TMEM132D: variants seen among roughly 807,000 people sequenced by gnomAD.
TMEM132D encodes the protein mature OL transmembrane protein.
A neutral mutation model predicts 62.3 loss-of-function variants in TMEM132D; 21 were observed. The observed-to-expected ratio is 0.34, with a 90% confidence interval of 0.24 to 0.49. The LOEUF (loss-of-function observed/expected upper bound fraction) is 0.49, where lower values mean the gene tolerates loss of function less well. Among genes scored for constraint, TMEM132D ranks in the 20% least tolerant of loss-of-function variants. The probability of loss-of-function intolerance (pLI) is 0.99; values close to 1 mark genes in which losing one functional copy is unlikely to be tolerated. For missense variants in TMEM132D, 1,346 were observed against 1,402.8 expected, an observed-to-expected ratio of 0.96 and a Z score of 0.65; for synonymous variants, 621 against 575.6, an observed-to-expected ratio of 1.08 and a Z score of -1.13.
At chr12:129,618,924 G>C (rs1001749959) in intron 2 of TMEM132D, among the ~76,000 whole-genome samples, 2 of 152,152 alleles carry the variant, frequency 1.3e-5, no homozygotes, top group African/African-American at 4.8e-5. Flanking sequence ...AACTCGAAGC[G>C]GGGGCTGCCT....
At chr12:129,675,272 A>T (rs1880598687) in intron 2 of TMEM132D, among the ~76,000 whole-genome samples, 1 of 152,126 alleles carries the variant, frequency 6.6e-6, no homozygotes, top group East Asian at 1.9e-4. Context: ...CTAACATAGG[A>T]ACAGAAAACC....
Position 129,073,768 on chromosome 12 carries a change from C to CTTAT in TMEM132D, c.*103_*106dup. 1 of 1,070,864 alleles carries CTTAT rather than the reference C, an allele frequency of 9.3e-7. No homozygotes were observed. The highest frequency in any genetic ancestry group is 2.4e-5 in the East Asian group (1 of 41,322). 66.3% of individuals were successfully genotyped at this position (1,070,864 alleles called of 1,614,324 possible). On this transcript the variant is annotated 3_prime_UTR_variant, in exon 9 of 9. Transcript: ENST00000422113. ...CTGAGGCTGTATGGATAGTGTCATC[C>CTTAT]TTATTTTGTCCTGCTGCTTTGTTTC...
chr12:129,539,760 A>C (rs1383621479), intron 2 of TMEM132D, among the ~76,000 whole-genome samples: 1 of 152,082 alleles, frequency 6.6e-6, no homozygotes, highest in African/African-American at 2.4e-5. Context: ...AAAACCTTGG[A>C]TTAAAGGATA....
intron 2 of TMEM132D, among the ~76,000 whole-genome samples, chr12:129,611,525 G>T (rs1293902699): frequency 6.6e-6 from 1 of 152,116 alleles, no homozygotes; most frequent in African/African-American, 2.4e-5. Context: ...TATTTTAAGT[G>T]TAAGTAGCTT....
At chr12:129,229,629 G>T (rs1879580295) in intron 4 of TMEM132D, among the ~76,000 whole-genome samples, 1 of 152,186 alleles carries the variant, frequency 6.6e-6, no homozygotes, top group African/African-American at 2.4e-5. Flanking sequence ...TGAAACTAAG[G>T]AATTAATTCA....
chr12:129,487,028 G>C (rs373614740), intron 3 of TMEM132D, among the ~76,000 whole-genome samples: 1 of 109,868 alleles, frequency 9.1e-6, no homozygotes, highest in African/African-American at 2.8e-5. Context: ...GAATGTTTGC[G>C]TATGGGGGGG....
At chr12:129,495,945 A>G (rs1360294343) in intron 3 of TMEM132D, among the ~76,000 whole-genome samples, 1 of 152,210 alleles carries the variant, frequency 6.6e-6, no homozygotes, top group Non-Finnish European at 1.5e-5. Flanking sequence ...TTACTTTTAC[A>G]AGTCCATTAT....
At chr12:129,481,818 T>G (rs1342172517) in intron 3 of TMEM132D, among the ~76,000 whole-genome samples, 1 of 152,168 alleles carries the variant, frequency 6.6e-6, no homozygotes, top group Non-Finnish European at 1.5e-5. Context: ...TTTTTAGCCC[T>G]TAATGAATCA....
chr12:129,449,868 A>C (rs1280143112), intron 3 of TMEM132D, among the ~76,000 whole-genome samples: 1 of 152,228 alleles, frequency 6.6e-6, no homozygotes, highest in African/African-American at 2.4e-5. Flanking sequence ...ATGTTGGATC[A>C]GTTTGAAGTG....
chr12:129,459,857 A>G lies in TMEM132D; in HGVS notation c.1115+71202T>C, dbSNP rs74887154. 1.3e-3 allele frequency among the ~76,000 whole-genome samples: 193 copies of G among 152,298 alleles called. 1 individual carries two copies. In the East Asian group the frequency reaches 0.028, roughly 22 times the overall value. On this transcript the variant is annotated intron_variant, in intron 3 of 8. Coordinates refer to ENST00000422113, the MANE Select transcript of TMEM132D (RefSeq NM_133448.3). ...ACCAGCACGCATTCAAACACAGTAA[A>G]ACATCAGTTTCTAGAAAACATCCGA...
chr12:129,167,646 T>C (rs1033203670), intron 5 of TMEM132D, among the ~76,000 whole-genome samples: 10 of 152,010 alleles, frequency 6.6e-5, no homozygotes, highest in African/African-American at 1.7e-4. Flanking sequence ...CTGAAGACTA[T>C]TCCTTAACAC....
intron 1 of TMEM132D, among the ~76,000 whole-genome samples, chr12:129,735,749 T>C (rs999535408): frequency 1.3e-5 from 2 of 152,192 alleles, no homozygotes; most frequent in African/African-American, 4.8e-5. Flanking sequence ...AACAGTAATC[T>C]TTGAAAACAA....
At chr12:129,330,093 C>T (rs1319950642) in intron 4 of TMEM132D, among the ~76,000 whole-genome samples, 1 of 152,040 alleles carries the variant, frequency 6.6e-6, no homozygotes, top group Non-Finnish European at 1.5e-5. Flanking sequence ...GAAGATGCAG[C>T]TGAGATAAGG....
intron 5 of TMEM132D, among the ~76,000 whole-genome samples, chr12:129,114,387 T>G (rs1392163079): frequency 6.9e-6 from 1 of 145,382 alleles, no homozygotes; most frequent in Non-Finnish European, 1.5e-5. Context: ...AGTTGGAAAC[T>G]CCTTCCTTCC....
chr12:129,816,139 G>A (rs866765961), intron 1 of TMEM132D, among the ~76,000 whole-genome samples: 6 of 151,886 alleles, frequency 4.0e-5, no homozygotes, highest in African/African-American at 1.5e-4. Flanking sequence ...GAGTCGGGGT[G>A]TAAAAAAAAT....
intron 4 of TMEM132D, among the ~76,000 whole-genome samples, chr12:129,269,023 G>T (rs1880776295): frequency 8.2e-6 from 1 of 121,512 alleles, no homozygotes; most frequent in Non-Finnish European, 1.7e-5. Flanking sequence ...CTGTTGTGGG[G>T]TGGGGGGAGG....
chr12:129,314,046 T>G (rs1162375305), intron 4 of TMEM132D, among the ~76,000 whole-genome samples: 1 of 152,226 alleles, frequency 6.6e-6, no homozygotes. Context: ...AGCCCACTTT[T>G]TAATGGGATT....
At chr12:129,658,404 C>A (rs910360621) in intron 2 of TMEM132D, among the ~76,000 whole-genome samples, 1 of 152,178 alleles carries the variant, frequency 6.6e-6, no homozygotes, top group Non-Finnish European at 1.5e-5. Flanking sequence ...TGATTTAATT[C>A]TATTCCTGTA....
At chr12:129,199,873 G>T (rs1175878330) in intron 5 of TMEM132D, among the ~76,000 whole-genome samples, 1 of 152,088 alleles carries the variant, frequency 6.6e-6, no homozygotes, top group Non-Finnish European at 1.5e-5. Context: ...TGACACATGG[G>T]GATTATGGGA....
Sources: gnomAD v4.1 joint callset for allele counts (sites outside exome capture counted in the v4.1 genomes callset) on GRCh38, gnomAD v4.1.1 for gene constraint, MANE v1.5 for transcripts, NCBI Gene and HGNC (gene_info 2026-07-23, HGNC 2026-07-21) for gene names.